The following TAF1 variants were observed in gnomAD, a reference collection of about 807,000 sequenced individuals.
The protein encoded by TAF1 is TATA-box binding protein associated factor 1, also known as transcription initiation factor TFIID subunit 1.
TAF1 carries 2 observed loss-of-function variants against 138.5 expected under a neutral mutation model. The ratio of observed to expected loss-of-function variants is 0.01; its 90% CI spans 0.01 to 0.05. TAF1 has a LOEUF of 0.05. Among genes scored for constraint, TAF1 ranks in the 10% least tolerant of loss-of-function variants. The pLI is 1.00. For missense variants in TAF1, 709 were observed against 1,478.0 expected (o/e 0.48, Z 8.53); for synonymous variants, 437 against 503.2 (o/e 0.87, Z 1.76).
At chrX:71,517,148 C>T (rs2039839699) in intron 13 of TAF1, among the ~76,000 whole-genome samples, 1 of 110,451 alleles carries the variant, frequency 9.1e-6, no homozygotes, top group Non-Finnish European at 1.9e-5. Flanking sequence ...GGCCACATCA[C>T]CAGAATGTGG....
intron 13 of TAF1, among the ~76,000 whole-genome samples, chrX:71,509,886 C>G (rs997262467): frequency 9.0e-6 from 1 of 110,771 alleles, no homozygotes; most frequent in Non-Finnish European, 1.9e-5. Flanking sequence ...GAATGAGGCA[C>G]GAGAATCTCT....
chrX:71,528,866 G>C (rs1420120543), intron 14 of TAF1: 1 of 248,329 alleles, frequency 4.0e-6, no homozygotes, highest in Admixed American at 5.3e-5. Context: ...GGGGCGGCCA[G>C]CATTTATTCC....
intron 12 of TAF1, among the ~76,000 whole-genome samples, chrX:71,383,573 C>T (rs183988504): frequency 8.9e-6 from 1 of 112,026 alleles, no homozygotes; most frequent in African/African-American, 3.2e-5. Flanking sequence ...TGCACATAAC[C>T]TATGCACATC....
intron 13 of TAF1, among the ~76,000 whole-genome samples, chrX:71,491,458 T>C (rs1391902890): frequency 9.0e-6 from 1 of 110,870 alleles, no homozygotes; most frequent in East Asian, 2.8e-4. Context: ...TTTTCCAATC[T>C]TGTGAAGGTG....
At chrX:71,434,198 A>C (rs1467843196) in intron 32 of TAF1, among the ~76,000 whole-genome samples, 2 of 111,962 alleles carry the variant, frequency 1.8e-5, no homozygotes, top group Admixed American at 9.5e-5. Flanking sequence ...CCCTGTCTCT[A>C]AAAAAATTTT....
Position 71,392,906 on chromosome X carries a change from C to T in TAF1, c.2963C>T (p.Thr988Ile). The T allele has an allele frequency of 8.3e-7, 1 of 1,211,377 alleles. No individual in the cohort carries two copies. The highest frequency in any genetic ancestry group is 2.2e-5 in the Admixed American group (1 of 45,934). ...DDKEPQPVKK[T>I]VTGTDADLRR... is the part of the protein sequence containing the mutation. ...AAAGAACCGCAGCCAGTGAAGAAGA[C>T]AGTGACAGGAACAGATGCAGACCTT... The change falls in exon 20 of 38, where the codon ACA (threonine) becomes ATA (isoleucine). Residue 988 changes from threonine (T) to isoleucine (I), a missense_variant. Thr to Ile is a moderately conservative substitution (Grantham distance 89). Coordinates refer to ENST00000423759, the MANE Select transcript of TAF1 (RefSeq NM_004606.5).
intron 17 of TAF1, among the ~76,000 whole-genome samples, chrX:71,389,124 T>A (rs1366332611): frequency 8.9e-6 from 1 of 111,968 alleles, no homozygotes; most frequent in East Asian, 2.8e-4. Flanking sequence ...TGTTTTGCTT[T>A]GAAAATGGTG....
Position 71,435,124 on chromosome X carries a change from C to T in TAF1, c.4753+10886C>T, listed in dbSNP as rs566554449. On this transcript the variant is annotated intron_variant, in intron 32 of 37. Coordinates refer to ENST00000423759, the MANE Select transcript of TAF1 (RefSeq NM_004606.5). ...GTGCTCTTAAAACCAAAATCAACTC[C>T]AGTAAGAAGCCATCTTTGGGATGGA... Among the ~76,000 whole-genome samples the T allele has an allele frequency of 1.2e-4, 13 of 112,087 alleles. No homozygotes were observed. In the South Asian group the frequency reaches 4.5e-3, roughly 39 times the overall value.
intron 13 of TAF1, among the ~76,000 whole-genome samples, chrX:71,498,642 T>TC (rs1185777857): frequency 9.0e-6 from 1 of 111,182 alleles, no homozygotes; most frequent in African/African-American, 3.3e-5. Context: ...GAATTGTCCT[T>TC]CCGATGCCCA....
At chrX:71,502,096 G>A (rs1323407099) in intron 13 of TAF1, among the ~76,000 whole-genome samples, 2 of 111,573 alleles carry the variant, frequency 1.8e-5, no homozygotes, top group African/African-American at 6.5e-5. Flanking sequence ...AAGGGGACCT[G>A]AGCAGGTTGC....
At chrX:71,418,414 T>C (rs1012112988) in intron 28 of TAF1, among the ~76,000 whole-genome samples, 1 of 112,861 alleles carries the variant, frequency 8.9e-6, no homozygotes, top group Non-Finnish European at 1.9e-5. Context: ...ATAAGTCTCA[T>C]AGGCAGGAAG....
At chrX:71,387,603 A>G in intron 15 of TAF1, 142 bp downstream of exon 15, 1 of 667,814 alleles carries the variant, frequency 1.5e-6, no homozygotes, top group Admixed American at 3.7e-5. Flanking sequence ...GTTCGAGACC[A>G]GCCTGACCAT....
intron 32 of TAF1, among the ~76,000 whole-genome samples, chrX:71,430,529 C>T (rs1457721965): frequency 9.0e-6 from 1 of 111,131 alleles, no homozygotes; most frequent in East Asian, 2.8e-4. Context: ...AACCATATTA[C>T]TCAACAGTAT....
In TAF1 at chrX:71,508,078, C is replaced by T. The variant is rs1310961669; in HGVS notation, c.1367-20464C>T. On this transcript the variant is annotated intron_variant and NMD_transcript_variant, in intron 13 of 14. Transcript: ENST00000373775. ...ACATATATGAATATTCTCTCTCTCTCTCTCTCTCTATATATATATATATAT... is the reference window on the plus strand; with the variant it reads ...ACATATATGAATATTCTCTCTCTCTTTCTCTCTCTATATATATATATATAT... Among the ~76,000 whole-genome samples, 7 of 96,277 alleles carry T rather than the reference C, an allele frequency of 7.3e-5. No homozygotes were observed. The East Asian group carries it at 2.3e-3, about 32-fold the overall frequency. The allele number at this position is 96,277 out of a possible 115,157, so 83.6% of individuals were successfully genotyped here.
rs761829020 is a variant in TAF1 at position 71,408,120 on chromosome X, G to T, written c.4353G>T (p.Glu1451Asp). 1 of 1,211,112 alleles carries T rather than the reference G, an allele frequency of 8.3e-7. No individual in the cohort carries two copies. The highest frequency in any genetic ancestry group is 1.1e-6 in the Non-Finnish European group (1 of 895,444). The change falls in exon 28 of 38, where the codon GAG becomes GAT. Residue 1451 changes from glutamate to aspartate, a missense_variant. Coordinates refer to ENST00000423759, the MANE Select transcript of TAF1 (RefSeq NM_004606.5). Reference sequence around the variant, plus strand: ...GGGAAGAGTTCAGAGAGCATCTGGAGCTAATTGTGAAAAATAGTGCAACCT... The same window carrying T: ...GGGAAGAGTTCAGAGAGCATCTGGATCTAATTGTGAAAAATAGTGCAACCT... ...PSREEFREHL[E>D]LIVKNSATYN...
rs1457674704 is a variant in TAF1 at position 71,392,703 on chromosome X, A to G, written c.2916A>G (p.Lys972=). Residue 972 remains lysine (K), a synonymous_variant, in exon 19 of 38, where the codon AAA becomes AAG. Transcript: ENST00000423759. ...TCTCCTATGTGAAGATTCCAAACAA[A>G]CCAACACAGCAGAAGGTGAGATTGT... ...EGFSYVKIPN[K]PTQQKDDKEP... is the part of the protein sequence containing the mutation. 7 of 1,198,898 alleles carry G rather than the reference A, an allele frequency of 5.8e-6. No individual in the cohort carries two copies. The highest frequency in any genetic ancestry group is 6.7e-6 in the Non-Finnish European group (6 of 891,167).
chrX:71,456,371 G>A (rs1399141281), intron 34 of TAF1, among the ~76,000 whole-genome samples: 2 of 111,547 alleles, frequency 1.8e-5, no homozygotes, highest in Non-Finnish European at 3.8e-5. Flanking sequence ...ATGAAGAGTA[G>A]GATTAGATAG....
chrX:71,380,695 A>C (rs2033823620), intron 8 of TAF1, among the ~76,000 whole-genome samples: 1 of 112,277 alleles, frequency 8.9e-6, no homozygotes, highest in Admixed American at 9.5e-5. Context: ...GAGGAAAAAC[A>C]AAATTTTTTC....
intron 32 of TAF1, among the ~76,000 whole-genome samples, chrX:71,453,321 A>G (rs2038129229): frequency 9.2e-6 from 1 of 109,199 alleles, no homozygotes; most frequent in Non-Finnish European, 1.9e-5. Context: ...CACTTTGGGA[A>G]GCCAAGGTAA....
Sources: allele counts gnomAD v4.1 joint callset (sites outside exome capture counted in the v4.1 genomes callset), GRCh38; gene constraint gnomAD v4.1.1; transcripts MANE v1.5; gene names NCBI Gene and HGNC (gene_info 2026-07-23, HGNC 2026-07-21).